The following SCML4 variants were observed in gnomAD, a reference collection of about 807,000 sequenced individuals.
The protein encoded by SCML4 is sex comb on midleg-like protein 4.
A neutral mutation model predicts 41.1 loss-of-function variants in SCML4; 34 were observed. The observed-to-expected ratio is 0.83, with a 90% CI of 0.63 to 1.10. SCML4 has a LOEUF of 1.10. Ranked by LOEUF, SCML4 falls within the 50% of genes least tolerant of loss-of-function variation. SCML4 has a pLI of 0.00. For synonymous variants in SCML4, 214 were observed against 220.9 expected (o/e 0.97, Z 0.28); for missense variants, 522 against 534.1 (o/e 0.98, Z 0.22).
chr6:107,829,255 G>A (rs1351379175), upstream of SCML4, among the ~76,000 whole-genome samples: 2 of 152,008 alleles, frequency 1.3e-5, no homozygotes, highest in Non-Finnish European at 2.9e-5. Context: ...GCATGGTGGT[G>A]CGTGCCTGTA....
intron 2 of SCML4, among the ~76,000 whole-genome samples, chr6:107,765,570 C>G (rs1473719674): frequency 1.3e-5 from 2 of 152,178 alleles, no homozygotes; most frequent in African/African-American, 4.8e-5. Flanking sequence ...TGTAGGGAGT[C>G]TCTGAACCTA....
At chr6:107,837,051 C>G in the SCML4 span, among the ~76,000 whole-genome samples, 1 of 152,152 alleles carries the variant, frequency 6.6e-6, no homozygotes, top group Non-Finnish European at 1.5e-5. Flanking sequence ...AATTGTATAT[C>G]CATACTGTTC....
intron 3 of SCML4, among the ~76,000 whole-genome samples, 178 bp downstream of exon 3, chr6:107,749,506 A>C (rs1001745107): frequency 1.3e-5 from 2 of 152,226 alleles, no homozygotes; most frequent in Non-Finnish European, 2.9e-5. Context: ...GCTGTGGGAC[A>C]TATAAACTGG....
chr6:107,761,327 G>A (rs12662208), intron 2 of SCML4, among the ~76,000 whole-genome samples: 31,549 of 151,712 alleles, frequency 0.21, 3,418 homozygotes, highest in African/African-American at 0.27. Context: ...AAGACATAGA[G>A]AAAAATCTTA....
intron 2 of SCML4, among the ~76,000 whole-genome samples, chr6:107,761,466 T>A (rs1779587372): frequency 6.6e-6 from 1 of 151,858 alleles, no homozygotes; most frequent in Admixed American, 6.6e-5. Flanking sequence ...AGACAGAGTC[T>A]TGCTCTGTCA....
chr6:107,837,218 G>T, the SCML4 span, among the ~76,000 whole-genome samples: 4 of 152,192 alleles, frequency 2.6e-5, no homozygotes, highest in Admixed American at 2.0e-4. Flanking sequence ...TCTGCATTGA[G>T]AGGCAATGGT....
intron 1 of SCML4, among the ~76,000 whole-genome samples, chr6:107,774,492 T>C (rs1780759119): frequency 6.6e-6 from 1 of 152,212 alleles, no homozygotes. Flanking sequence ...CTAAAAACAT[T>C]GAAGAACCAC....
chr6:107,828,281 T>C (rs1785312984), upstream of SCML4, among the ~76,000 whole-genome samples: 1 of 152,118 alleles, frequency 6.6e-6, no homozygotes, highest in Non-Finnish European at 1.5e-5. Context: ...CCCAATGACA[T>C]GGGTGAAATC....
chr6:107,837,884 C>A, the SCML4 span, among the ~76,000 whole-genome samples: 1 of 151,262 alleles, frequency 6.6e-6, no homozygotes, highest in Non-Finnish European at 1.5e-5. Flanking sequence ...CCCAGAATAA[C>A]CTCACCATTA....
the SCML4 span, among the ~76,000 whole-genome samples, chr6:107,843,093 G>A: frequency 1.3e-5 from 2 of 151,966 alleles, no homozygotes; most frequent in South Asian, 4.2e-4. Flanking sequence ...AATACCAAAA[G>A]GAGAAGAGAG....
the SCML4 span, among the ~76,000 whole-genome samples, chr6:107,830,763 A>G: frequency 6.6e-6 from 1 of 152,228 alleles, no homozygotes; most frequent in South Asian, 2.1e-4. Context: ...TTAAAATTCA[A>G]AGGAAGACTT....
intron 1 of SCML4, among the ~76,000 whole-genome samples, chr6:107,782,703 T>TCTGAGTTTG (rs1451399334): frequency 6.6e-6 from 1 of 151,372 alleles, no homozygotes; most frequent in East Asian, 2.0e-4. Context: ...CAGGTGCTGG[T>TCTGAGTTTG]CTGAGTTTGC....
chr6:107,720,178 A>G (rs1775225235), intron 6 of SCML4: 7 of 903,454 alleles, frequency 7.7e-6, no homozygotes, highest in Non-Finnish European at 9.3e-6. Flanking sequence ...TACAGCTTCC[A>G]GAGTCCCTTA....
chr6:107,828,949 A>T (rs370465226), upstream of SCML4, among the ~76,000 whole-genome samples: 51 of 152,342 alleles, frequency 3.3e-4, no homozygotes, highest in East Asian at 8.9e-3. Flanking sequence ...ATCACAGAAT[A>T]CACAAAGCAC....
intron 1 of SCML4, among the ~76,000 whole-genome samples, chr6:107,792,340 A>T (rs1056770944): frequency 7.0e-4 from 107 of 152,326 alleles, no homozygotes; most frequent in African/African-American, 2.5e-3. Flanking sequence ...TAAGCAAACA[A>T]CATAAGTTTG....
chr6:107,713,890 C>T (rs1774482076), intron 6 of SCML4, among the ~76,000 whole-genome samples: 1 of 152,170 alleles, frequency 6.6e-6, no homozygotes, highest in Admixed American at 6.5e-5. Flanking sequence ...CAGATTAGCC[C>T]ACGATTATGG....
At chr6:107,839,309 AGAGT>A in the SCML4 span, among the ~76,000 whole-genome samples, 21 of 124,814 alleles carry the variant, frequency 1.7e-4, no homozygotes, top group Non-Finnish European at 3.1e-4. Flanking sequence ...AAGAAAAGAG[AGAGT>A]GAGAGGAAAG....
chr6:107,802,051 G>A (rs1235387317), intron 1 of SCML4, among the ~76,000 whole-genome samples: 3 of 151,994 alleles, frequency 2.0e-5, no homozygotes, highest in Admixed American at 1.3e-4. Context: ...GATTACAGGC[G>A]TGAGCCACTG....
chr6:107,792,881 C>A (rs893480951), intron 1 of SCML4, among the ~76,000 whole-genome samples: 2 of 152,072 alleles, frequency 1.3e-5, no homozygotes, highest in Non-Finnish European at 2.9e-5. Flanking sequence ...TATCAAAAAG[C>A]TAATGGGAAT....
Sources: allele counts gnomAD v4.1 joint callset (sites outside exome capture counted in the v4.1 genomes callset), GRCh38; gene constraint gnomAD v4.1.1; transcripts MANE v1.5; gene names NCBI Gene and HGNC (gene_info 2026-07-23, HGNC 2026-07-21).